The following CNTNAP2 variants were observed in gnomAD, a reference collection of about 807,000 sequenced individuals.
The protein encoded by CNTNAP2 is contactin associated protein 2, also known as contactin-associated protein-like 2.
A neutral mutation model predicts 155.2 loss-of-function variants in CNTNAP2; 98 were observed. That is an observed-to-expected ratio of 0.63 (90% CI 0.54 to 0.75). The LOEUF (loss-of-function observed/expected upper bound fraction) is 0.75, where lower values mean the gene tolerates loss of function less well. CNTNAP2 is among the 30% of genes least tolerant of loss of function. The probability of loss-of-function intolerance (pLI) is 0.00; values close to 1 mark genes in which losing one functional copy is unlikely to be tolerated. For synonymous variants in CNTNAP2, 651 were observed against 631.2 expected, an observed-to-expected ratio of 1.03 and a Z score of -0.47; for missense variants, 1,727 against 1,688.1, an observed-to-expected ratio of 1.02 and a Z score of -0.40.
chr7:146,283,893 C>T (rs953876590), intron 1 of CNTNAP2, among the ~76,000 whole-genome samples: 1 of 151,930 alleles, frequency 6.6e-6, no homozygotes, highest in African/African-American at 2.4e-5. Flanking sequence ...AAAGAAGATT[C>T]TTAAAAAAAG....
intron 9 of CNTNAP2, among the ~76,000 whole-genome samples, chr7:147,324,950 A>G (rs1194422791): frequency 6.6e-6 from 1 of 152,206 alleles, no homozygotes; most frequent in Non-Finnish European, 1.5e-5. Context: ...TAATGGCAGA[A>G]GTGTGGAAAG....
intron 17 of CNTNAP2, among the ~76,000 whole-genome samples, chr7:148,168,277 G>A (rs1805709334): frequency 6.6e-6 from 1 of 151,946 alleles, no homozygotes; most frequent in Non-Finnish European, 1.5e-5. Context: ...GTTTATTGCA[G>A]CACTATTCAC....
intron 2 of CNTNAP2, among the ~76,000 whole-genome samples, chr7:146,833,922 A>G (rs902948453): frequency 1.3e-5 from 2 of 152,000 alleles, no homozygotes; most frequent in African/African-American, 4.8e-5. Flanking sequence ...TTTTCTTCTT[A>G]TCTATCTTAT....
chr7:146,767,167 ATAAT>A (rs927875832), intron 1 of CNTNAP2, among the ~76,000 whole-genome samples: 1 of 152,158 alleles, frequency 6.6e-6, no homozygotes, highest in Non-Finnish European at 1.5e-5. Context: ...CTATGAGAAA[ATAAT>A]TAATTCTCAA....
At chr7:147,106,864 A>T (rs188063715) in intron 4 of CNTNAP2, among the ~76,000 whole-genome samples, 26 of 152,272 alleles carry the variant, frequency 1.7e-4, no homozygotes, top group African/African-American at 6.0e-4. Flanking sequence ...TACAAGGCAA[A>T]CCAAAGTGTT....
chr7:146,253,893 C>CAAAAAA lies in CNTNAP2; in HGVS notation c.97+136927_97+136932dup, dbSNP rs113028868. Among the ~76,000 whole-genome samples the CAAAAAA allele has an allele frequency of 6.7e-3, 958 of 142,122 alleles. 13 individuals are homozygous for CAAAAAA. The highest frequency in any genetic ancestry group is 0.022 in the African/African-American group (876 of 39,636). The allele number at this position is 142,122 out of a possible 152,430, so 93.2% of individuals were successfully genotyped here. Reference sequence around the variant, plus strand: ...GAAACATAGTGCAACCCTGTCACTACAAAAAAAAAAAATTAAAAATTAGCT... The same window carrying CAAAAAA: ...GAAACATAGTGCAACCCTGTCACTACAAAAAAAAAAAAAAAAAATTAAAAATTAGCT... On this transcript the variant is annotated intron_variant, in intron 1 of 23. Coordinates refer to ENST00000361727, the MANE Select transcript of CNTNAP2 (RefSeq NM_014141.6).
chr7:146,867,904 T>C (rs1795236983), intron 3 of CNTNAP2, among the ~76,000 whole-genome samples: 1 of 152,020 alleles, frequency 6.6e-6, no homozygotes, highest in South Asian at 2.1e-4. Context: ...AAGTTTCTTA[T>C]AGATACTGGG....
At chr7:147,610,064 AT>A in intron 12 of CNTNAP2, among the ~76,000 whole-genome samples, 1 of 152,282 alleles carries the variant, frequency 6.6e-6, no homozygotes, top group East Asian at 1.9e-4. Context: ...ATTAGTCATT[AT>A]TTAAATTTAC....
rs569540606 is a variant in CNTNAP2, at chr7:146,752,144, A to G, written c.98-22127A>G. 5.9e-5 allele frequency among the ~76,000 whole-genome samples: 9 copies of G among 152,230 alleles called. No homozygotes were observed. The East Asian group carries it at 1.7e-3, about 29-fold the overall frequency. On this transcript the variant is annotated intron_variant, in intron 1 of 23. Coordinates refer to ENST00000361727, the MANE Select transcript of CNTNAP2 (RefSeq NM_014141.6). Reference sequence around the variant, plus strand: ...ATCATCCTTTGGGTACGTACCCAGTAATGGGATTGCTGGGTCAAATGGTAT... The same window carrying G: ...ATCATCCTTTGGGTACGTACCCAGTGATGGGATTGCTGGGTCAAATGGTAT...
intron 6 of CNTNAP2, among the ~76,000 whole-genome samples, chr7:147,126,560 G>A (rs774318788): frequency 2.6e-5 from 4 of 152,062 alleles, no homozygotes; most frequent in African/African-American, 7.2e-5. Flanking sequence ...CGCAATCTCC[G>A]CCTCCTGGGT....
chr7:147,264,873 A>C (rs1804571398), intron 8 of CNTNAP2, among the ~76,000 whole-genome samples: 1 of 152,132 alleles, frequency 6.6e-6, no homozygotes. Flanking sequence ...AAAAGGACAT[A>C]CTGAGGTCCA....
chr7:146,473,812 C>T (rs1796834841), intron 1 of CNTNAP2, among the ~76,000 whole-genome samples: 1 of 152,092 alleles, frequency 6.6e-6, no homozygotes, highest in Admixed American at 6.5e-5. Context: ...CTCCTGGGTC[C>T]CACAGGTTTG....
At chr7:147,307,354 G>A (rs997257886) in intron 9 of CNTNAP2, among the ~76,000 whole-genome samples, 2 of 152,104 alleles carry the variant, frequency 1.3e-5, no homozygotes, top group African/African-American at 4.8e-5. Context: ...GGAGGCCGAG[G>A]CGGGCAGATC....
intron 9 of CNTNAP2, among the ~76,000 whole-genome samples, chr7:147,386,090 T>C (rs1307921718): frequency 6.6e-6 from 1 of 152,132 alleles, no homozygotes; most frequent in Non-Finnish European, 1.5e-5. Context: ...TGCCCCCTTT[T>C]AGTCACAGCT....
intron 9 of CNTNAP2, among the ~76,000 whole-genome samples, chr7:147,352,757 G>T (rs1367640739): frequency 3.3e-5 from 5 of 151,878 alleles, no homozygotes; most frequent in Admixed American, 1.3e-4. Flanking sequence ...AAGGGCAAAA[G>T]TATATTTTTT....
intron 13 of CNTNAP2, among the ~76,000 whole-genome samples, chr7:147,731,414 T>C (rs77834497): frequency 0.19 from 29,199 of 151,778 alleles, 3,215 homozygotes; most frequent in Middle Eastern, 0.38. Flanking sequence ...AGAAATGGAA[T>C]AACAAAGCCC....
chr7:146,234,885 T>C (rs898333441), intron 1 of CNTNAP2, among the ~76,000 whole-genome samples: 3 of 152,228 alleles, frequency 2.0e-5, no homozygotes, highest in Admixed American at 1.3e-4. Context: ...GGGAAGTCAA[T>C]TGTCCTGCTT....
chr7:147,402,767 C>T (rs578166269), intron 10 of CNTNAP2, among the ~76,000 whole-genome samples: 154 of 152,124 alleles, frequency 1.0e-3, no homozygotes, highest in Non-Finnish European at 1.7e-3. Flanking sequence ...TTTACTTCAG[C>T]ATGCCATCCC....
chr7:147,004,104 A>T (rs566169021), intron 3 of CNTNAP2, among the ~76,000 whole-genome samples: 7 of 151,862 alleles, frequency 4.6e-5, no homozygotes, highest in Non-Finnish European at 8.8e-5. Flanking sequence ...AAATAAGAAT[A>T]TATTTCCATG....
Sources: allele counts gnomAD v4.1 joint callset (sites outside exome capture counted in the v4.1 genomes callset), GRCh38; gene constraint gnomAD v4.1.1; transcripts MANE v1.5; gene names NCBI Gene and HGNC (gene_info 2026-07-23, HGNC 2026-07-21).